Variants in TRAPPC10 observed in about 807,000 individuals in gnomAD.
TRAPPC10 encodes the protein TRAPP 130 kDa subunit.
TRAPPC10 carries 23 observed loss-of-function variants against 125.5 expected under a neutral mutation model. That is an observed-to-expected ratio of 0.18 (90% CI 0.13 to 0.26). The LOEUF (loss-of-function observed/expected upper bound fraction) is 0.26, where lower values mean the gene tolerates loss of function less well. Ranked by LOEUF, TRAPPC10 falls within the 10% of genes least tolerant of loss-of-function variation. TRAPPC10 has a pLI of 1.00. For missense variants in TRAPPC10, 1,123 were observed against 1,308.4 expected, an observed-to-expected ratio of 0.86 and a Z score of 2.19; for synonymous variants, 509 against 518.0, an observed-to-expected ratio of 0.98 and a Z score of 0.24.
chr21:44,030,432 G>T (rs751520478), intron 1 of TRAPPC10, among the ~76,000 whole-genome samples: 1 of 152,104 alleles, frequency 6.6e-6, no homozygotes, highest in Non-Finnish European at 1.5e-5. Flanking sequence ...GCTAACTAAA[G>T]ATTTTCTTCT....
chr21:44,077,480 G>C (rs2037371551), intron 10 of TRAPPC10, among the ~76,000 whole-genome samples: 1 of 152,186 alleles, frequency 6.6e-6, no homozygotes, highest in Admixed American at 6.5e-5. Flanking sequence ...AGCTACTTGG[G>C]AAGCTGAGGC....
chr21:44,061,456 T>C (rs9975978), intron 6 of TRAPPC10, among the ~76,000 whole-genome samples: 239 of 150,900 alleles, frequency 1.6e-3, no homozygotes, highest in African/African-American at 5.4e-3. Context: ...TTTAGTAGAG[T>C]TGGGGTTTCA....
chr21:44,017,745 T>C (rs969475139), intron 1 of TRAPPC10, among the ~76,000 whole-genome samples: 1 of 152,074 alleles, frequency 6.6e-6, no homozygotes, highest in Non-Finnish European at 1.5e-5. Flanking sequence ...TGGTTTTTTT[T>C]TTTTCTTCTT....
chr21:44,087,869 C>T lies in TRAPPC10; in HGVS notation c.2710C>T (p.His904Tyr). The T allele has an allele frequency of 6.2e-7, 1 of 1,614,182 alleles. No individual in the cohort carries two copies. The highest frequency in any genetic ancestry group is 8.5e-7 in the Non-Finnish European group (1 of 1,180,024). The part of the protein sequence containing the change: ...ESDMLGMAEP[H>Y]RKHKDKQRTG... Reference sequence around the variant, plus strand: ...TGACATGCTGGGGATGGCAGAGCCCCACAGGAAGCATAAGGACAAACAGAG... The same window carrying T: ...TGACATGCTGGGGATGGCAGAGCCCTACAGGAAGCATAAGGACAAACAGAG... The change falls in exon 17 of 23, where the codon CAC (histidine) becomes TAC (tyrosine). Residue 904 changes from histidine to tyrosine, a missense_variant. His to Tyr is a moderately conservative substitution (Grantham distance 83). Around this residue, in one of 4 missense-constraint regions of TRAPPC10, gnomAD observed 840 missense variants for 902.0 expected, o/e 0.93. Transcript: ENST00000291574. This position sits in a 1 kb window ranked among gnomAD's most constrained non-coding sequence, Gnocchi z 4.6.
At chr21:44,089,070 T>C (rs538518546) in intron 17 of TRAPPC10, 1 of 203,558 alleles carries the variant, frequency 4.9e-6, no homozygotes, top group African/African-American at 2.8e-5. Flanking sequence ...TGCCGTGTTA[T>C]CCTCTCTTCC....
chr21:44,070,873 C>T (rs959784661), intron 7 of TRAPPC10, among the ~76,000 whole-genome samples: 7 of 152,148 alleles, frequency 4.6e-5, no homozygotes, highest in African/African-American at 1.2e-4. Context: ...AGTAGCCTGG[C>T]GCACTTGGGC....
chr21:44,017,579 C>T (rs931542796), intron 1 of TRAPPC10, among the ~76,000 whole-genome samples: 4 of 151,792 alleles, frequency 2.6e-5, no homozygotes, highest in Non-Finnish European at 4.4e-5. Flanking sequence ...TATGTCCTAA[C>T]AAGAGCTGTT....
At chr21:44,046,232 G>T (rs571528780) in intron 3 of TRAPPC10, 3 of 196,066 alleles carry the variant, frequency 1.5e-5, no homozygotes, top group South Asian at 2.0e-4. Context: ...TGCTTAAATA[G>T]AATTACAGAA....
intron 15 of TRAPPC10, 121 bp downstream of exon 15, chr21:44,084,384 A>G: frequency 2.0e-6 from 2 of 999,860 alleles, no homozygotes; most frequent in Non-Finnish European, 2.7e-6. Context: ...TATTTTGGGT[A>G]ACATAATGGA....
intron 7 of TRAPPC10, among the ~76,000 whole-genome samples, chr21:44,065,740 C>T (rs2036399329): frequency 6.6e-6 from 1 of 152,230 alleles, no homozygotes; most frequent in Admixed American, 6.5e-5. Context: ...TGTTGAAGCC[C>T]ACACAATCCT....
chr21:44,033,290 A>G (rs544848853), intron 2 of TRAPPC10, among the ~76,000 whole-genome samples: 1 of 152,304 alleles, frequency 6.6e-6, no homozygotes, highest in South Asian at 2.1e-4. Context: ...ATGAGGGATT[A>G]AGGTGGCTTT....
At chr21:44,041,865 A>G (rs1450237336) in intron 3 of TRAPPC10, among the ~76,000 whole-genome samples, 2 of 151,908 alleles carry the variant, frequency 1.3e-5, no homozygotes, top group Non-Finnish European at 2.9e-5. Flanking sequence ...AGCTGGGGTT[A>G]CAGGCGCCTG....
At chr21:44,058,097 T>G (rs1052630871) in intron 5 of TRAPPC10, among the ~76,000 whole-genome samples, 3 of 151,862 alleles carry the variant, frequency 2.0e-5, no homozygotes, top group Non-Finnish European at 4.4e-5. Flanking sequence ...TGTGTGACAG[T>G]GGAGGAGATA....
chr21:44,068,677 T>C (rs993871274), intron 7 of TRAPPC10, among the ~76,000 whole-genome samples: 3 of 152,140 alleles, frequency 2.0e-5, no homozygotes, highest in African/African-American at 7.2e-5. Flanking sequence ...CTTGGCTCAT[T>C]GTAGCCTCCG....
At chr21:44,077,597 C>T (rs2037380561) in intron 10 of TRAPPC10, 96 bp from the exon 11 acceptor site, 2 of 997,990 alleles carry the variant, frequency 2.0e-6, no homozygotes, top group East Asian at 2.7e-5. Context: ...AACAAAAACC[C>T]AACAATGTCT....
chr21:44,018,661 T>G lies in TRAPPC10; in HGVS notation c.67+6101T>G, dbSNP rs1336666401. Among the ~76,000 whole-genome samples, 8 of 148,868 alleles carry G rather than the reference T, an allele frequency of 5.4e-5. No homozygotes were observed. The Admixed American group carries it at 5.4e-4, about 10-fold the overall frequency. Reference sequence around the variant, plus strand: ...TTGCAGTGAGCCGAGATCATGCCACTGCACTCCAGCCTGGCGTGAGACTCC... The same window carrying G: ...TTGCAGTGAGCCGAGATCATGCCACGGCACTCCAGCCTGGCGTGAGACTCC... On this transcript the variant is annotated intron_variant, in intron 1 of 22. Transcript: ENST00000291574.
At chr21:44,091,427 T>C (rs1320858756) in intron 18 of TRAPPC10, among the ~76,000 whole-genome samples, 1 of 152,076 alleles carries the variant, frequency 6.6e-6, no homozygotes, top group East Asian at 1.9e-4. Flanking sequence ...CTTTAAAAAC[T>C]TTTTTTATTT....
intron 19 of TRAPPC10, among the ~76,000 whole-genome samples, chr21:44,093,179 TTGGGCA>T (rs2038702507): frequency 6.6e-6 from 1 of 152,166 alleles, no homozygotes; most frequent in Non-Finnish European, 1.5e-5. Flanking sequence ...TTAATATCCT[TTGGGCA>T]TGGTGGCTCA....
chr21:44,035,830 A>T (rs1393125556), intron 2 of TRAPPC10, among the ~76,000 whole-genome samples: 2 of 152,234 alleles, frequency 1.3e-5, no homozygotes, highest in Non-Finnish European at 2.9e-5. Context: ...AAAAGTAGAA[A>T]TTTAAAATTA....
Sources: gnomAD v4.1 joint callset for allele counts (sites outside exome capture counted in the v4.1 genomes callset) on GRCh38, gnomAD v4.1.1 for gene constraint, gnomAD v4.1.1 regional missense constraint, Gnocchi (gnomAD v3.1) non-coding constraint, MANE v1.5 for transcripts, NCBI Gene and HGNC (gene_info 2026-07-23, HGNC 2026-07-21) for gene names.